DUS2: variants seen among roughly 807,000 people sequenced by gnomAD.
DUS2 encodes tRNA-dihydrouridine(20) synthase [NAD(P)+]-like.
DUS2 carries 52 observed loss-of-function variants against 71.3 expected under a neutral mutation model. The observed-to-expected ratio is 0.73, with a 90% CI of 0.58 to 0.92. The LOEUF is 0.92. Ranked by LOEUF, DUS2 falls within the 40% of genes least tolerant of loss-of-function variation. The pLI, the probability that DUS2 is intolerant of heterozygous loss-of-function variation, is 0.00. For synonymous variants in DUS2, 204 were observed against 227.8 expected (o/e 0.90, Z 0.94); for missense variants, 558 against 622.6 (o/e 0.90, Z 1.10).
chr16:68,068,582 C>T (rs1034655575), intron 10 of DUS2, among the ~76,000 whole-genome samples: 1 of 127,046 alleles, frequency 7.9e-6, no homozygotes. Flanking sequence ...TTCTTTCTCT[C>T]TCTTTTTTTT....
At chr16:68,037,028 A>G (rs1370473523) in intron 2 of DUS2, among the ~76,000 whole-genome samples, 1 of 151,802 alleles carries the variant, frequency 6.6e-6, no homozygotes, top group African/African-American at 2.4e-5. Flanking sequence ...CATACTATAT[A>G]GTTTACTTAT....
At chr16:68,035,167 C>T (rs1347833627) in intron 2 of DUS2, among the ~76,000 whole-genome samples, 2 of 152,144 alleles carry the variant, frequency 1.3e-5, no homozygotes, top group Admixed American at 1.3e-4. Context: ...CCACCATCAT[C>T]TTTCATGTTG....
chr16:68,052,235 C>A (rs2033789072), intron 4 of DUS2, among the ~76,000 whole-genome samples: 2 of 152,012 alleles, frequency 1.3e-5, no homozygotes, highest in African/African-American at 4.8e-5. Context: ...AGTGAGATCA[C>A]CAACAAAAAG....
At position 68,047,457 on chromosome 16, in the gene DUS2, T is replaced by TTTG. The variant is rs567806198; in HGVS notation, c.127-2025_127-2023dup. ...GTTAATATTTTCAAATAACAAAGTT[T>TTTG]TTGTTGTTGTTGTTGTTGTTGTTGT... On this transcript the variant is annotated intron_variant, in intron 3 of 16. Transcript: ENST00000565263. Among the ~76,000 whole-genome samples, 581 of 151,846 alleles carry TTTG rather than the reference T, an allele frequency of 3.8e-3. 6 individuals are homozygous for TTTG. The highest frequency in any genetic ancestry group is 0.013 in the African/African-American group (519 of 41,414).
At chr16:68,061,714 T>C (rs1567478861) in intron 8 of DUS2, among the ~76,000 whole-genome samples, 1 of 152,210 alleles carries the variant, frequency 6.6e-6, no homozygotes, top group Non-Finnish European at 1.5e-5. Flanking sequence ...GCCAGCTCTT[T>C]CCTTTTAGCT....
intron 4 of DUS2, among the ~76,000 whole-genome samples, chr16:68,050,318 A>G (rs1416517217): frequency 6.6e-6 from 1 of 152,012 alleles, no homozygotes; most frequent in East Asian, 1.9e-4. Flanking sequence ...TTGTATTTTT[A>G]GTAGAGAAGG....
intron 5 of DUS2, among the ~76,000 whole-genome samples, chr16:68,054,294 A>G (rs111940537): frequency 6.6e-6 from 1 of 152,268 alleles, no homozygotes; most frequent in Non-Finnish European, 1.5e-5. Flanking sequence ...TGTAGAATCT[A>G]AATGGTGAGT....
intron 14 of DUS2, 118 bp from the exon 15 acceptor site, chr16:68,076,514 G>GCT: frequency 1.4e-6 from 1 of 718,890 alleles, no homozygotes; most frequent in Non-Finnish European, 2.4e-6. Flanking sequence ...TAAGGCAGCA[G>GCT]CTCGGTGTCT....
chr16:68,071,240 T>A, intron 12 of DUS2, 132 bp downstream of exon 12: 1 of 951,774 alleles, frequency 1.1e-6, no homozygotes, highest in Non-Finnish European at 1.6e-6. Flanking sequence ...GCTCATGTAG[T>A]GTAGCTGCAC....
rs1314485007 is a variant in DUS2, at chr16:68,053,613, C to T, written c.222C>T (p.Phe74=). The T allele has an allele frequency of 1.3e-5, 21 of 1,614,212 alleles. No individual in the cohort carries two copies. The highest frequency in any genetic ancestry group is 1.6e-5 in the Non-Finnish European group (19 of 1,180,040). The change falls in exon 5 of 17, where the codon TTC becomes TTT. Residue 74 remains phenylalanine (F), a synonymous_variant. Transcript: ENST00000565263. The stretch of plus-strand genomic sequence containing the variant: ...TCGCCCCTGATGATCGAGTTGTCTT[C>T]CGCACCTGTGAAAGAGAGCAGAACA... ...DFVAPDDRVV[F]RTCEREQNRV...
At chr16:68,035,391 C>CTT (rs202033773) in intron 2 of DUS2, among the ~76,000 whole-genome samples, 10 of 146,286 alleles carry the variant, frequency 6.8e-5, no homozygotes, top group African/African-American at 2.5e-4. Flanking sequence ...CTGTGTTTTC[C>CTT]TTTTTTTTTT....
chr16:68,041,501 C>T (rs758895576), intron 3 of DUS2, among the ~76,000 whole-genome samples: 6 of 152,062 alleles, frequency 3.9e-5, no homozygotes, highest in Non-Finnish European at 7.4e-5. Flanking sequence ...CAGAGTCCTA[C>T]AGCCCAGAGG....
chr16:68,054,740 C>A, intron 6 of DUS2, 123 bp downstream of exon 6: 1 of 1,233,826 alleles, frequency 8.1e-7, no homozygotes, highest in Non-Finnish European at 1.2e-6. Context: ...CTTCTGTTTC[C>A]AGGTTAAGAG....
At chr16:68,068,675 G>T (rs527336528) in intron 10 of DUS2, among the ~76,000 whole-genome samples, 2 of 137,848 alleles carry the variant, frequency 1.5e-5, no homozygotes, top group African/African-American at 5.5e-5. Flanking sequence ...TGCAACCTTC[G>T]CCTCCTGGGT....
chr16:68,078,973 T>C lies in DUS2; in HGVS notation c.1469T>C (p.Leu490Pro). 13 of 1,571,702 alleles carry C rather than the reference T, an allele frequency of 8.3e-6. No individual in the cohort carries two copies. Among genetic ancestry groups the C allele is most frequent in the Non-Finnish European group, 1.1e-5 (13 of 1,155,818 alleles). Residue 490 changes from leucine to proline, a missense_variant, in exon 17 of 17, where the codon CTG becomes CCG. Physicochemically the swap from Leu to Pro is moderately conservative, Grantham distance 98. Transcript: ENST00000565263. ...TTGGGAAGTGGTGAAGAAAGCCCCC[T>C]GGAAGGCTGGTGACTACTCTTCCTG... is the stretch of plus-strand genomic sequence containing the variant. ...VALGSGEESP[L>P]EGW
intron 7 of DUS2, among the ~76,000 whole-genome samples, chr16:68,058,461 C>T (rs547958529): frequency 2.2e-4 from 33 of 152,064 alleles, no homozygotes; most frequent in African/African-American, 3.1e-4. Context: ...CGCCTGACCT[C>T]GTGATCCACC....
rs138133669 is a variant in DUS2, at chr16:68,031,815, C to G, written c.-18-6191C>G. Among the ~76,000 whole-genome samples, 24 of 152,288 alleles carry G rather than the reference C, an allele frequency of 1.6e-4. No homozygotes were observed. The East Asian group carries it at 4.3e-3, about 27-fold the overall frequency. ...GTTTGAGTGATTCTCCTGCTTCAGC[C>G]TCCCGAGTAGCTGGGATTGCAGGTG... On this transcript the variant is annotated intron_variant, in intron 2 of 16. Coordinates refer to ENST00000565263, the MANE Select transcript of DUS2 (RefSeq NM_017803.5).
Position 68,049,523 on chromosome 16 carries a change from A to G in DUS2, c.145A>G (p.Met49Val), listed in dbSNP as rs759142514. 2 of 1,614,082 alleles carry G rather than the reference A, an allele frequency of 1.2e-6. No individual in the cohort carries two copies. Among genetic ancestry groups the G allele is most frequent in the Non-Finnish European group, 1.7e-6 (2 of 1,180,042 alleles). ...TCTGCAGGAGCTGATCGACCTCAAGATGATTCAGTGCAAGAGAGTTGTTAA... is the reference window on the plus strand; with the variant it reads ...TCTGCAGGAGCTGATCGACCTCAAGGTGATTCAGTGCAAGAGAGTTGTTAA... ...VYCEELIDLK[M>V]IQCKRVVNEV... is the part of the protein sequence containing the mutation. Residue 49 changes from methionine (M) to valine (V), a missense_variant, in exon 4 of 17, where the codon ATG (methionine) becomes GTG (valine). Met to Val is a conservative substitution (Grantham distance 21). Transcript: ENST00000565263.
intron 3 of DUS2, among the ~76,000 whole-genome samples, chr16:68,044,954 G>C (rs1018166907): frequency 1.4e-4 from 21 of 151,728 alleles, no homozygotes; most frequent in Non-Finnish European, 1.6e-4. Context: ...CACCATGCCT[G>C]GATAATTTTT....
Sources: allele counts gnomAD v4.1 joint callset (sites outside exome capture counted in the v4.1 genomes callset), GRCh38; gene constraint gnomAD v4.1.1; transcripts MANE v1.5; gene names NCBI Gene and HGNC (gene_info 2026-07-23, HGNC 2026-07-21).